ERBB4: variants seen among roughly 807,000 people sequenced by gnomAD.
The protein encoded by ERBB4 is erb-b2 receptor tyrosine kinase 4.
A neutral mutation model predicts 158.0 loss-of-function variants in ERBB4; 42 were observed. The ratio of observed to expected loss-of-function variants is 0.27; its 90% CI spans 0.21 to 0.34. ERBB4 has a LOEUF of 0.34. Among genes scored for constraint, ERBB4 ranks in the 10% least tolerant of loss-of-function variants. The pLI, the probability that ERBB4 is intolerant of heterozygous loss-of-function variation, is 1.00. For synonymous variants in ERBB4, 583 were observed against 558.7 expected (o/e 1.04, Z -0.61); for missense variants, 1,333 against 1,624.1 (o/e 0.82, Z 3.08).
intron 4 of ERBB4, among the ~76,000 whole-genome samples, chr2:211,773,615 TATATATATATATATA>T (rs1270249141): frequency 4.6e-5 from 2 of 43,846 alleles, no homozygotes; most frequent in East Asian, 7.4e-4. Context: ...TATATATATA[TATATATATATATATA>T]TATATATATA....
At chr2:211,528,695 A>C (rs893534598) in intron 20 of ERBB4, among the ~76,000 whole-genome samples, 1 of 152,086 alleles carries the variant, frequency 6.6e-6, no homozygotes, top group Non-Finnish European at 1.5e-5. Flanking sequence ...GACATGAATA[A>C]TGAGAGAAAT....
intron 25 of ERBB4, among the ~76,000 whole-genome samples, chr2:211,397,418 A>G (rs907152946): frequency 1.3e-5 from 2 of 152,172 alleles, no homozygotes; most frequent in African/African-American, 4.8e-5. Context: ...ACACTTTACT[A>G]AAAAAATGAA....
intron 2 of ERBB4, among the ~76,000 whole-genome samples, chr2:212,036,908 G>A (rs989012823): frequency 6.6e-6 from 1 of 152,136 alleles, no homozygotes; most frequent in African/African-American, 2.4e-5. Flanking sequence ...TGCGTCTAAA[G>A]TTCCCCGAAT....
Position 212,072,161 on chromosome 2 carries a change from T to A in ERBB4, c.234+52591A>T, listed in dbSNP as rs185052690. ...ATTCAGGTCAAGGGACAGTGAATGG[T>A]TGAGTACAGAAGTTACAACTCTAGT... On this transcript the variant is annotated intron_variant, in intron 2 of 27. Transcript: ENST00000342788. Among the ~76,000 whole-genome samples, 386 of 152,114 alleles carry A rather than the reference T, an allele frequency of 2.5e-3. 1 individual carries two copies. Among genetic ancestry groups the A allele is most frequent in the African/African-American group, 8.9e-3 (371 of 41,546 alleles).
Position 211,392,234 on chromosome 2 carries a change from T to C in ERBB4, c.3136-4242A>G, listed in dbSNP as rs3791685. On this transcript the variant is annotated intron_variant, in intron 25 of 27. Transcript: ENST00000342788. The stretch of plus-strand genomic sequence containing the variant: ...GCATTATGTTATAATTATTGCATTA[T>C]AAATTATAATTCCTGATGCATGGTT... 2.8e-4 allele frequency among the ~76,000 whole-genome samples: 42 copies of C among 152,226 alleles called. No homozygotes were observed. The East Asian group carries it at 5.6e-3, about 20-fold the overall frequency.
At chr2:211,466,588 ACT>A (rs1177655909) in intron 20 of ERBB4, among the ~76,000 whole-genome samples, 4 of 152,022 alleles carry the variant, frequency 2.6e-5, no homozygotes, top group African/African-American at 9.7e-5. Flanking sequence ...TGCCTGAAAC[ACT>A]CTGTGGGTGG....
In ERBB4 at chr2:211,975,829, G is replaced by A. The variant is rs1056345626; in HGVS notation, c.235-28213C>T. On this transcript the variant is annotated intron_variant, in intron 2 of 27. Coordinates refer to ENST00000342788, the MANE Select transcript of ERBB4 (RefSeq NM_005235.3). Reference sequence around the variant, plus strand: ...ACATGCCAATCTCCAAAAAAAGCCAGTGTTTGGGATTTTAAAATACATTAT... The same window carrying A: ...ACATGCCAATCTCCAAAAAAAGCCAATGTTTGGGATTTTAAAATACATTAT... Among the ~76,000 whole-genome samples, 4 of 152,106 alleles carry A rather than the reference G, an allele frequency of 2.6e-5. No individual in the cohort carries two copies. In the East Asian group the frequency reaches 7.7e-4, roughly 29 times the overall value.
chr2:211,486,429 G>A (rs1263267194), intron 20 of ERBB4, among the ~76,000 whole-genome samples: 1 of 152,036 alleles, frequency 6.6e-6, no homozygotes, highest in South Asian at 2.1e-4. Flanking sequence ...TAAAGTCATG[G>A]TAAATATTCT....
At chr2:212,394,832 A>C (rs1157485124) in intron 1 of ERBB4, among the ~76,000 whole-genome samples, 1 of 152,158 alleles carries the variant, frequency 6.6e-6, no homozygotes, top group African/African-American at 2.4e-5. Flanking sequence ...ATGACGCTGC[A>C]TTTGGAAATA....
At chr2:211,713,161 G>A (rs1020528469) in intron 8 of ERBB4, among the ~76,000 whole-genome samples, 1 of 152,030 alleles carries the variant, frequency 6.6e-6, no homozygotes, top group African/African-American at 2.4e-5. Flanking sequence ...TTTATGCTTA[G>A]CAGATAATTT....
intron 1 of ERBB4, among the ~76,000 whole-genome samples, chr2:212,298,286 C>T (rs1389766172): frequency 1.3e-5 from 2 of 151,614 alleles, no homozygotes; most frequent in Non-Finnish European, 2.9e-5. Context: ...TTTGTATGTG[C>T]TTTACATCAT....
intron 1 of ERBB4, among the ~76,000 whole-genome samples, chr2:212,231,942 C>CT (rs1444361887): frequency 6.6e-6 from 1 of 152,114 alleles, no homozygotes; most frequent in Non-Finnish European, 1.5e-5. Flanking sequence ...TAATCTGAAG[C>CT]TTTTACTTAT....
rs76592295 is a variant in ERBB4, at chr2:211,909,400, C to T, written c.421+38030G>A. On this transcript the variant is annotated intron_variant, in intron 3 of 27. Transcript: ENST00000342788. ...ATGCATTGTCAGGCAATTTTGTCAT[C>T]GTGTGAACATCGTAAAGTACACTGT... is the stretch of plus-strand genomic sequence containing the variant. Among the ~76,000 whole-genome samples the T allele has an allele frequency of 6.7e-3, 1,014 of 151,766 alleles. 21 individuals carry two copies. Among genetic ancestry groups the T allele is most frequent in the Middle Eastern group, 0.031 (9 of 292 alleles).
chr2:211,646,655 T>C (rs1322271371), intron 16 of ERBB4, among the ~76,000 whole-genome samples: 3 of 151,736 alleles, frequency 2.0e-5, no homozygotes, highest in African/African-American at 4.8e-5. Context: ...TGATGTGATT[T>C]GGAGTAATTG....
chr2:211,493,112 G>A lies in ERBB4; in HGVS notation c.2488-62012C>T, dbSNP rs555950408. Among the ~76,000 whole-genome samples the A allele has an allele frequency of 5.9e-5, 9 of 152,174 alleles. No individual in the cohort carries two copies. The South Asian group carries it at 8.3e-4, about 14-fold the overall frequency. On this transcript the variant is annotated intron_variant, in intron 20 of 27. Coordinates refer to ENST00000342788, the MANE Select transcript of ERBB4 (RefSeq NM_005235.3). ...TGGATAATGAATGCCAAACTATTAC[G>A]TAATTTGAGAGATTATCAACCAGCT...
At chr2:212,048,027 T>A (rs1410571797) in intron 2 of ERBB4, among the ~76,000 whole-genome samples, 1 of 152,134 alleles carries the variant, frequency 6.6e-6, no homozygotes, top group East Asian at 1.9e-4. Context: ...CGTTGGGGTA[T>A]GATATTTAAG....
chr2:211,977,531 T>TTAAAAAAAAAAA (rs1445827351), intron 2 of ERBB4, among the ~76,000 whole-genome samples: 2 of 67,618 alleles, frequency 3.0e-5, no homozygotes, highest in African/African-American at 9.7e-5. Context: ...ATATTGACTT[T>TTAAAAAAAAAAA]AAAAAAAAAA....
intron 2 of ERBB4, among the ~76,000 whole-genome samples, chr2:212,000,233 T>G (rs983330389): frequency 2.6e-5 from 4 of 151,860 alleles, no homozygotes; most frequent in African/African-American, 9.7e-5. Context: ...AGACTAATCC[T>G]CAGATAATAC....
chr2:212,293,424 T>C (rs1010601722), intron 1 of ERBB4, among the ~76,000 whole-genome samples: 13 of 152,042 alleles, frequency 8.6e-5, no homozygotes, highest in African/African-American at 3.1e-4. Context: ...TAGCTCCAAA[T>C]CACCTTCTAA....
Sources: allele counts gnomAD v4.1 joint callset (sites outside exome capture counted in the v4.1 genomes callset), GRCh38; gene constraint gnomAD v4.1.1; transcripts MANE v1.5; gene names NCBI Gene and HGNC (gene_info 2026-07-23, HGNC 2026-07-21).